Variants in ZNF506 observed in about 807,000 individuals in gnomAD.
ZNF506 encodes the protein zinc finger protein 506.
Under a neutral mutation model 11.6 loss-of-function variants are expected in ZNF506, and 10 were observed. The observed-to-expected ratio is 0.86, with a 90% CI of 0.53 to 1.46. The LOEUF (loss-of-function observed/expected upper bound fraction) is 1.46. Ranked by LOEUF, ZNF506 falls within the 40% of genes most tolerant of loss-of-function variation. ZNF506 has a pLI of 0.00. For synonymous variants in ZNF506, 156 were observed against 173.3 expected, an observed-to-expected ratio of 0.90 and a Z score of 0.78; for missense variants, 425 against 521.2, an observed-to-expected ratio of 0.82 and a Z score of 1.80.
In ZNF506 at chr19:19,821,657, C is replaced by T. The variant is rs2062968173; in HGVS notation, c.-54G>A. The T allele has an allele frequency of 6.2e-7, 1 of 1,611,632 alleles. No homozygotes were observed. Among genetic ancestry groups the T allele is most frequent in the African/African-American group, 1.3e-5 (1 of 74,900 alleles). The stretch of plus-strand genomic sequence containing the variant: ...CTAGCTGTGACCCTCCTAATACCTG[C>T]AGGTCACAGGGCCACAGAGGCTGGG... On this transcript the variant is annotated 5_prime_UTR_variant, in exon 1 of 4. Coordinates refer to ENST00000540806, the MANE Select transcript of ZNF506 (RefSeq NM_001099269.3).
Position 19,799,872 on chromosome 19 carries a change from CAA to C in ZNF506, c.227-4214_227-4213del, listed in dbSNP as rs35531969. ...AAAAGACAAAGTACCCAACAGTCTT[CAA>C]AAAAAAAAAAAAATGTTGGAGGCAT... On this transcript the variant is annotated intron_variant, in intron 3 of 3. Transcript: ENST00000540806. 1.3e-3 allele frequency among the ~76,000 whole-genome samples: 167 copies of C among 128,746 alleles called. 1 individual carries two copies. Among genetic ancestry groups the C allele is most frequent in the African/African-American group, 2.3e-3 (84 of 36,628 alleles). The allele number at this position is 128,746 out of a possible 152,430, so 84.5% of individuals were successfully genotyped here.
At chr19:19,796,939 G>T (rs757247661) in intron 3 of ZNF506, 2 of 152,116 alleles carry the variant, frequency 1.3e-5, no homozygotes, top group Non-Finnish European at 2.9e-5. Flanking sequence ...ATATGTTTGA[G>T]AAATTCCAAG....
chr19:19,799,371 G>A, intron 3 of ZNF506: 1 of 568,060 alleles, frequency 1.8e-6, no homozygotes, highest in Non-Finnish European at 3.1e-6. Flanking sequence ...TTCTAATGAA[G>A]GTATAGAGAA....
chr19:19,796,041 C>T (rs1048354011), intron 3 of ZNF506: 3 of 236,408 alleles, frequency 1.3e-5, no homozygotes, highest in East Asian at 1.0e-4. Flanking sequence ...CCCAGCACTC[C>T]GGGAGGCTGA....
At chr19:19,795,922 A>G in intron 3 of ZNF506, 1 of 422,412 alleles carries the variant, frequency 2.4e-6, no homozygotes, top group Non-Finnish European at 4.4e-6. Flanking sequence ...AAATAGAAAA[A>G]AAGAAAAGTC....
At chr19:19,805,993 C>G in intron 3 of ZNF506, 38 bp downstream of exon 3, 1 of 1,525,118 alleles carries the variant, frequency 6.6e-7, no homozygotes, top group Non-Finnish European at 8.9e-7. Context: ...GGACCTCTAT[C>G]TGTGTTGTCT....
rs200093149 is a variant in ZNF506, at chr19:19,815,021, G to C, written c.3+6580C>G. The stretch of plus-strand genomic sequence containing the variant: ...GCCTGTAATCCCAGCACTTTGGAAG[G>C]CTGAGGCAGGAGGATCACGAGGTCA... On this transcript the variant is annotated intron_variant, in intron 1 of 3. Coordinates refer to ENST00000540806, the MANE Select transcript of ZNF506 (RefSeq NM_001099269.3). Among the ~76,000 whole-genome samples the C allele has an allele frequency of 2.6e-5, 4 of 152,164 alleles. No homozygotes were observed. In the East Asian group the frequency reaches 7.7e-4, roughly 29 times the overall value.
intron 3 of ZNF506, among the ~76,000 whole-genome samples, chr19:19,802,467 T>C (rs1313889160): frequency 6.6e-6 from 1 of 151,910 alleles, no homozygotes; most frequent in Admixed American, 6.6e-5. Flanking sequence ...AAGAAAAGAA[T>C]AGACATATTG....
rs1366607373 is a variant in ZNF506 at position 19,794,961 on chromosome 19, C to T, written c.926G>A (p.Gly309Glu). The change falls in exon 4 of 4, where the codon GGA (glycine) becomes GAA (glutamate). Residue 309 changes from glycine to glutamate, a missense_variant. This residue lies in a region of ZNF506 where 192 missense variants were observed against 215.7 expected (regional missense o/e 0.89). Transcript: ENST00000540806. Reference sequence around the variant, plus strand: ...TTCCTCACATTTGTAGGGTTTCTCTCCAGTATGAATTATCTCATGTTTAGT... The same window carrying T: ...TTCCTCACATTTGTAGGGTTTCTCTTCAGTATGAATTATCTCATGTTTAGT... ...TLTKHEIIHT[G>E]EKPYKCEECG... 1 of 1,613,808 alleles carries T rather than the reference C, an allele frequency of 6.2e-7. No individual in the cohort carries two copies. The highest frequency in any genetic ancestry group is 8.5e-7 in the Non-Finnish European group (1 of 1,179,990).
rs943584849 is a variant in ZNF506 at position 19,793,639 on chromosome 19, G to A, written c.*913C>T. On this transcript the variant is annotated 3_prime_UTR_variant, in exon 4 of 4. Transcript: ENST00000540806. ...TCTGAAAGATTTTTTGACAGTAATT[G>A]CACTTTTATTGCTTTTATTAACTAT... is the stretch of plus-strand genomic sequence containing the variant. Among the ~76,000 whole-genome samples the A allele has an allele frequency of 1.3e-5, 2 of 152,146 alleles. No homozygotes were observed. The highest frequency in any genetic ancestry group is 2.4e-5 in the African/African-American group (1 of 41,438).
chr19:19,805,233 A>G (rs901159682), intron 3 of ZNF506, among the ~76,000 whole-genome samples: 1 of 152,204 alleles, frequency 6.6e-6, no homozygotes, highest in African/African-American at 2.4e-5. Context: ...CTTATTTACT[A>G]TAACATTAAA....
chr19:19,795,498 T>C lies in ZNF506; in HGVS notation c.389A>G (p.Tyr130Cys). 1.3e-6 allele frequency: 2 copies of C among 1,599,462 alleles called. No individual in the cohort carries two copies. The highest frequency in any genetic ancestry group is 1.7e-6 in the Non-Finnish European group (2 of 1,174,908). ...TGCCAAACATTGTTTAAGTCCATTA[T>C]AACCTCTTTTGTGCACTGGACACTC... is the stretch of plus-strand genomic sequence containing the variant. ...VDECPVHKRG[Y>C]NGLKQCLATT... Residue 130 changes from tyrosine (Y) to cysteine (C), a missense_variant, in exon 4 of 4, where the codon TAT (tyrosine) becomes TGT (cysteine). Physicochemically the swap from Tyr to Cys is radical, Grantham distance 194 (BLOSUM62 -2). This residue lies in a region of ZNF506 where 226 missense variants were observed against 279.1 expected (regional missense o/e 0.81). Transcript: ENST00000540806.
chr19:19,821,454 G>C lies in ZNF506; in HGVS notation c.3+147C>G, dbSNP rs544192642. ...CAGCCGCCATGTTATGGCTGGGGCG[G>C]AGCTGGGCAATGAGAACTTGGAGCG... On this transcript the variant is annotated intron_variant, in intron 1 of 3. Transcript: ENST00000540806. 9.4e-6 allele frequency: 10 copies of C among 1,069,232 alleles called. No individual in the cohort carries two copies. The South Asian group carries it at 1.3e-4, about 13-fold the overall frequency. 66.2% of individuals were successfully genotyped at this position (1,069,232 alleles called of 1,614,324 possible).
At chr19:19,812,759 G>C (rs1308263583) in intron 1 of ZNF506, among the ~76,000 whole-genome samples, 1 of 152,144 alleles carries the variant, frequency 6.6e-6, no homozygotes, top group African/African-American at 2.4e-5. Flanking sequence ...TACAATTAAA[G>C]GAGAAATCTT....
At chr19:19,803,649 C>A (rs569759647) in intron 3 of ZNF506, among the ~76,000 whole-genome samples, 1 of 152,320 alleles carries the variant, frequency 6.6e-6, no homozygotes, top group South Asian at 2.1e-4. Flanking sequence ...CAAGCTACAA[C>A]CCCTCTTCAC....
In ZNF506 at chr19:19,793,462, G is replaced by A. The variant is rs2062711043; in HGVS notation, c.*1090C>T. On this transcript the variant is annotated 3_prime_UTR_variant, in exon 4 of 4. Transcript: ENST00000540806. The stretch of plus-strand genomic sequence containing the variant: ...TCTTCTCCAATATAAATTCCATGTT[G>A]TTGAATAAAGCTGGAGCAACTGCTT... Among the ~76,000 whole-genome samples the A allele has an allele frequency of 6.6e-6, 1 of 151,906 alleles. No homozygotes were observed. The highest frequency in any genetic ancestry group is 6.6e-5 in the Admixed American group (1 of 15,244).
At chr19:19,818,962 T>C (rs1426919320) in intron 1 of ZNF506, among the ~76,000 whole-genome samples, 2 of 152,168 alleles carry the variant, frequency 1.3e-5, no homozygotes. Context: ...CATTCCAGCC[T>C]GTGCAACAGA....
At chr19:19,811,578 T>C (rs1041673600) in intron 1 of ZNF506, among the ~76,000 whole-genome samples, 9 of 152,136 alleles carry the variant, frequency 5.9e-5, no homozygotes, top group African/African-American at 2.2e-4. Context: ...CCGAGGTGGG[T>C]GGATCGCGAG....
Position 19,806,129 on chromosome 19 carries a change from G to GT in ZNF506, c.131-4dup, listed in dbSNP as rs777098403. 7 of 1,591,158 alleles carry GT rather than the reference G, an allele frequency of 4.4e-6. No individual in the cohort carries two copies. Among genetic ancestry groups the GT allele is most frequent in the Non-Finnish European group, 6.0e-6 (7 of 1,168,282 alleles). On this transcript the variant is annotated splice_region_variant and splice_polypyrimidine_tract_variant and intron_variant, in intron 2 of 3. Transcript: ENST00000540806. ...GTTTGGTTTAGAGACAACAATACCT[G>GT]TTTTATTAAGAATAAATAATATGAA...
Sources: gnomAD v4.1 joint callset for allele counts (sites outside exome capture counted in the v4.1 genomes callset) on GRCh38, gnomAD v4.1.1 for gene constraint, gnomAD v4.1.1 regional missense constraint, MANE v1.5 for transcripts, NCBI Gene and HGNC (gene_info 2026-07-23, HGNC 2026-07-21) for gene names.